The following TAF15 variants were observed in gnomAD, a reference collection of about 807,000 sequenced individuals.
TAF15 encodes the protein TATA-binding protein-associated factor 2N.
TAF15 carries 37 observed loss-of-function variants against 102.5 expected under a neutral mutation model. The observed-to-expected ratio is 0.36, with a 90% CI of 0.28 to 0.47. The LOEUF is 0.47. Ranked by LOEUF, TAF15 falls within the 20% of genes least tolerant of loss-of-function variation. The probability of loss-of-function intolerance (pLI) is 0.99; values close to 1 mark genes in which losing one functional copy is unlikely to be tolerated. For missense variants in TAF15, 652 were observed against 760.7 expected (o/e 0.86, Z 1.68); for synonymous variants, 273 against 259.2 (o/e 1.05, Z -0.51).
intron 1 of TAF15, 80 bp downstream of exon 1, chr17:35,809,656 G>A (rs938661675): frequency 1.9e-6 from 3 of 1,598,806 alleles, no homozygotes; most frequent in African/African-American, 2.7e-5. Flanking sequence ...CCACCGGAGG[G>A]CCCTGAGGAG....
At chr17:35,842,333 A>T in intron 11 of TAF15, 34 bp from the exon 12 acceptor site, 2 of 1,526,976 alleles carry the variant, frequency 1.3e-6, no homozygotes, top group Non-Finnish European at 1.8e-6. Context: ...GGTATAGAGT[A>T]GCATTGCTTC....
intron 1 of TAF15, chr17:35,816,647 C>T (rs1403625803): frequency 6.9e-6 from 1 of 144,864 alleles, no homozygotes; most frequent in Non-Finnish European, 1.5e-5. Flanking sequence ...AAAATCTGCT[C>T]TTATGCGTCA....
rs762686358 is a variant in TAF15 at position 35,820,265 on chromosome 17, A to G, written c.184+17A>G. The G allele has an allele frequency of 6.2e-7, 1 of 1,613,944 alleles. No homozygotes were observed. The highest frequency in any genetic ancestry group is 1.1e-5 in the South Asian group (1 of 91,082). ...GTCAGTCAGGTTGGACTAGTTTGTT[A>G]AATTTGTTGTTTCAGAGATTGAAAA... On this transcript the variant is annotated intron_variant, in intron 4 of 15. Coordinates refer to ENST00000605844, the MANE Select transcript of TAF15 (RefSeq NM_139215.3).
chr17:35,834,973 T>A (rs2143804735), intron 9 of TAF15, among the ~76,000 whole-genome samples: 1 of 152,060 alleles, frequency 6.6e-6, no homozygotes, highest in South Asian at 2.1e-4. Flanking sequence ...CTTGAACTCC[T>A]GACCTCGAGA....
chr17:35,819,486 T>C (rs2087234328), intron 2 of TAF15, among the ~76,000 whole-genome samples: 2 of 152,196 alleles, frequency 1.3e-5, no homozygotes, highest in African/African-American at 4.8e-5. Flanking sequence ...ATTCAATGAC[T>C]GTACTGTGGG....
intron 7 of TAF15, among the ~76,000 whole-genome samples, chr17:35,830,659 A>G (rs967384557): frequency 6.6e-6 from 1 of 152,246 alleles, no homozygotes; most frequent in African/African-American, 2.4e-5. Context: ...AGAAGAGAGA[A>G]AATGATTGAA....
rs1189670737 is a variant in TAF15, at chr17:35,838,525, A to G, written c.885A>G (p.Ser295=). ...EATVSFDDPP[S]AKAAIDWFDG... ...CAGTGTCATTTGATGACCCTCCTTC[A>G]GCTAAGGCAGCCATTGACTGGTTTG... Residue 295 remains serine, a synonymous_variant, in exon 11 of 16, where the codon TCA becomes TCG. Transcript: ENST00000605844. The G allele has an allele frequency of 6.2e-7, 1 of 1,614,096 alleles. No individual in the cohort carries two copies. Among genetic ancestry groups the G allele is most frequent in the Admixed American group, 1.7e-5 (1 of 60,004 alleles).
intron 7 of TAF15, among the ~76,000 whole-genome samples, chr17:35,830,461 AC>A (rs1221522512): frequency 2.2e-5 from 3 of 137,870 alleles, no homozygotes; most frequent in African/African-American, 9.1e-5. Flanking sequence ...CAACATCTTG[AC>A]TCAGATGTTC....
At chr17:35,834,524 A>G (rs755700722) in intron 8 of TAF15, 42 bp from the exon 9 acceptor site, 2 of 1,597,720 alleles carry the variant, frequency 1.3e-6, no homozygotes, top group South Asian at 1.1e-5. Flanking sequence ...GATTTTAAAT[A>G]AATTGCCTTA....
chr17:35,833,963 A>G (rs1446816754), intron 8 of TAF15, 22 bp downstream of exon 8: 1 of 1,613,420 alleles, frequency 6.2e-7, no homozygotes, highest in Non-Finnish European at 8.5e-7. Flanking sequence ...GTATCCCAAA[A>G]TGTTTCAGTG....
At chr17:35,816,844 G>C (rs1387283737) in intron 1 of TAF15, 1 of 3,834 alleles carries the variant, frequency 2.6e-4, no homozygotes, top group Non-Finnish European at 9.6e-4. Flanking sequence ...TTTTTTTTTT[G>C]AGAAGTGTCA....
At chr17:35,812,128 A>T (rs16971518) in intron 1 of TAF15, among the ~76,000 whole-genome samples, 3,476 of 152,282 alleles carry the variant, frequency 0.023, 57 homozygotes, top group Middle Eastern at 0.054. Flanking sequence ...TCTAGACTTA[A>T]TGTGTTATGG....
chr17:35,811,391 A>G (rs1250054233), intron 1 of TAF15: 2 of 152,210 alleles, frequency 1.3e-5, no homozygotes, highest in Non-Finnish European at 2.9e-5. Flanking sequence ...GGTGTGTGAA[A>G]AGGGCTACTT....
chr17:35,812,769 TTATC>T (rs1295513634), intron 1 of TAF15, among the ~76,000 whole-genome samples: 3 of 152,014 alleles, frequency 2.0e-5, no homozygotes, highest in Non-Finnish European at 2.9e-5. Flanking sequence ...CTCTAACAGA[TTATC>T]TGAGAGAATA....
At chr17:35,837,160 G>A (rs550586263) in intron 10 of TAF15, among the ~76,000 whole-genome samples, 3 of 151,868 alleles carry the variant, frequency 2.0e-5, no homozygotes, top group East Asian at 3.9e-4. Context: ...TGTTGTCGTT[G>A]TTGTCTTGAG....
chr17:35,824,663 AAG>A (rs1462009862), intron 7 of TAF15, among the ~76,000 whole-genome samples: 1 of 152,250 alleles, frequency 6.6e-6, no homozygotes, highest in Non-Finnish European at 1.5e-5. Context: ...GATGGCAAAT[AAG>A]AGAAAGATTT....
intron 12 of TAF15, among the ~76,000 whole-genome samples, chr17:35,842,793 C>T (rs951890444): frequency 5.3e-5 from 8 of 151,924 alleles, no homozygotes; most frequent in Admixed American, 6.6e-5. Flanking sequence ...AGTGGAGTGG[C>T]GTGATCTCGG....
In TAF15 at chr17:35,819,028, A is replaced by G. The variant is rs913697430; in HGVS notation, c.48-996A>G. Among the ~76,000 whole-genome samples the G allele has an allele frequency of 3.3e-5, 5 of 151,604 alleles. No homozygotes were observed. In the South Asian group the frequency reaches 1.0e-3, roughly 31 times the overall value. On this transcript the variant is annotated intron_variant, in intron 2 of 15. Coordinates refer to ENST00000605844, the MANE Select transcript of TAF15 (RefSeq NM_139215.3). ...TGTATATATGCAGTGGGCTTCTCTT[A>G]CCAAAATACAGCCTTCAACTTATAG...
intron 7 of TAF15, among the ~76,000 whole-genome samples, chr17:35,828,278 G>A (rs2087354982): frequency 6.6e-6 from 1 of 152,166 alleles, no homozygotes; most frequent in Admixed American, 6.5e-5. Context: ...GTCTAGCACA[G>A]CATTGCCCAA....
Sources: gnomAD v4.1 joint callset for allele counts (sites outside exome capture counted in the v4.1 genomes callset) on GRCh38, gnomAD v4.1.1 for gene constraint, MANE v1.5 for transcripts, NCBI Gene and HGNC (gene_info 2026-07-23, HGNC 2026-07-21) for gene names.